Variants in LRRIQ1 observed in about 807,000 individuals in gnomAD.
LRRIQ1 encodes leucine rich repeats and IQ motif containing 1.
Under a neutral mutation model 211.9 loss-of-function variants are expected in LRRIQ1, and 210 were observed. The ratio of observed to expected loss-of-function variants is 0.99; its 90% confidence interval spans 0.89 to 1.11. LRRIQ1 has a LOEUF of 1.11. Among genes scored for constraint, LRRIQ1 ranks in the 50% most tolerant of loss-of-function variants. The probability of loss-of-function intolerance (pLI) is 0.00; values close to 1 mark genes in which losing one functional copy is unlikely to be tolerated. For synonymous variants in LRRIQ1, 699 were observed against 650.1 expected, an observed-to-expected ratio of 1.08 and a Z score of -1.14; for missense variants, 2,136 against 1,939.5, an observed-to-expected ratio of 1.10 and a Z score of -1.90.
chr12:85,106,687 C>T (rs964632425), intron 15 of LRRIQ1, 72 bp downstream of exon 15: 2 of 1,009,764 alleles, frequency 2.0e-6, no homozygotes, highest in African/African-American at 3.3e-5. Flanking sequence ...TAAAAATTGT[C>T]CTGTGAATAA....
chr12:85,174,935 A>T (rs1364539339), intron 24 of LRRIQ1, among the ~76,000 whole-genome samples: 1 of 152,076 alleles, frequency 6.6e-6, no homozygotes, highest in Non-Finnish European at 1.5e-5. Context: ...CGAACCTCAA[A>T]GTCCTCCAAA....
intron 24 of LRRIQ1, among the ~76,000 whole-genome samples, chr12:85,216,589 G>A (rs1592982809): frequency 6.6e-6 from 1 of 151,370 alleles, no homozygotes; most frequent in East Asian, 1.9e-4. Context: ...TTGTGTATGT[G>A]TTATATTTCA....
In LRRIQ1 at chr12:85,191,768, G is replaced by A. The variant is rs150037279; in HGVS notation, c.4822+31054G>A. On this transcript the variant is annotated intron_variant, in intron 24 of 26. Coordinates refer to ENST00000393217, the MANE Select transcript of LRRIQ1 (RefSeq NM_001079910.2). ...TACCATTTTCATTTTCACCAGCAAT[G>A]AATGACAGTCCTGTCATTCTCATTG... 4.1e-3 allele frequency among the ~76,000 whole-genome samples: 619 copies of A among 152,010 alleles called. 2 individuals are homozygous for A. Among genetic ancestry groups the A allele is most frequent in the African/African-American group, 0.014 (588 of 41,490 alleles).
downstream of LRRIQ1, among the ~76,000 whole-genome samples, chr12:85,248,763 G>C (rs929545873): frequency 7.9e-5 from 12 of 151,778 alleles, no homozygotes; most frequent in African/African-American, 2.7e-4. Flanking sequence ...CGTGATTTGT[G>C]CCTAGAATGA....
chr12:85,177,704 A>G (rs1891777701), intron 24 of LRRIQ1, among the ~76,000 whole-genome samples: 1 of 152,136 alleles, frequency 6.6e-6, no homozygotes, highest in Admixed American at 6.6e-5. Flanking sequence ...TATTCCAATG[A>G]TTACAGCCAC....
chr12:85,190,241 CATTAT>C (rs1892436383), intron 24 of LRRIQ1, among the ~76,000 whole-genome samples: 1 of 142,888 alleles, frequency 7.0e-6, no homozygotes, highest in South Asian at 2.2e-4. Context: ...TATTAATATA[CATTAT>C]ATTATATATT....
At chr12:85,209,600 G>C (rs1893736633) in intron 24 of LRRIQ1, among the ~76,000 whole-genome samples, 1 of 152,106 alleles carries the variant, frequency 6.6e-6, no homozygotes, top group South Asian at 2.1e-4. Flanking sequence ...AATATCTAAA[G>C]TTGATTTTTC....
chr12:85,066,610 A>T, intron 9 of LRRIQ1, 138 bp from the exon 10 acceptor site: 1 of 474,582 alleles, frequency 2.1e-6, no homozygotes, highest in South Asian at 5.1e-5. Flanking sequence ...AACAGTTTGC[A>T]GGGTTATCTT....
chr12:85,145,004 C>T (rs952424848), intron 19 of LRRIQ1, among the ~76,000 whole-genome samples: 6 of 150,936 alleles, frequency 4.0e-5, no homozygotes, highest in South Asian at 2.1e-4. Flanking sequence ...ACTTACCTGA[C>T]GAGGATTTCC....
chr12:85,193,630 T>C (rs1436569730), intron 24 of LRRIQ1, among the ~76,000 whole-genome samples: 2 of 151,040 alleles, frequency 1.3e-5, no homozygotes, highest in African/African-American at 4.9e-5. Context: ...GCTGAGAGAT[T>C]TTGTCACCAC....
At chr12:85,118,091 A>G (rs1887706209) in intron 15 of LRRIQ1, among the ~76,000 whole-genome samples, 1 of 152,128 alleles carries the variant, frequency 6.6e-6, no homozygotes, top group Non-Finnish European at 1.5e-5. Context: ...ATTATCTCCT[A>G]ACCCCTCTGA....
chr12:85,124,700 A>G (rs1888245550), intron 17 of LRRIQ1, 181 bp downstream of exon 17: 1 of 557,762 alleles, frequency 1.8e-6, no homozygotes, highest in Non-Finnish European at 3.2e-6. Flanking sequence ...ATCATTAATT[A>G]TAGTGCATAT....
intron 24 of LRRIQ1, among the ~76,000 whole-genome samples, chr12:85,217,600 A>G (rs1486446702): frequency 7.3e-6 from 1 of 137,026 alleles, no homozygotes; most frequent in Non-Finnish European, 1.5e-5. Context: ...ATATGTATAT[A>G]TGTATATGTG....
intron 19 of LRRIQ1, among the ~76,000 whole-genome samples, chr12:85,149,164 G>T (rs1055345144): frequency 6.6e-6 from 1 of 151,670 alleles, no homozygotes; most frequent in African/African-American, 2.4e-5. Flanking sequence ...ATTAGATCCC[G>T]TTTGTGAATT....
intron 24 of LRRIQ1, among the ~76,000 whole-genome samples, chr12:85,212,169 C>A: frequency 6.6e-6 from 1 of 152,042 alleles, no homozygotes; most frequent in East Asian, 1.9e-4. Flanking sequence ...CCTGTAGTCC[C>A]AGCTGCTTGG....
intron 11 of LRRIQ1, among the ~76,000 whole-genome samples, chr12:85,078,793 A>G (rs1185627649): frequency 6.6e-6 from 1 of 152,126 alleles, no homozygotes; most frequent in Non-Finnish European, 1.5e-5. Flanking sequence ...CAAATAACTT[A>G]TTTGTATGGG....
intron 19 of LRRIQ1, among the ~76,000 whole-genome samples, chr12:85,138,456 G>C (rs1287336100): frequency 6.6e-6 from 1 of 151,450 alleles, no homozygotes; most frequent in African/African-American, 2.4e-5. Context: ...CTCTGAATTT[G>C]TGTTTGTTAC....
intron 24 of LRRIQ1, among the ~76,000 whole-genome samples, chr12:85,170,995 G>C (rs1398181922): frequency 1.3e-5 from 2 of 151,942 alleles, no homozygotes; most frequent in African/African-American, 4.8e-5. Context: ...AAAATATCTG[G>C]CACACAGTGA....
downstream of LRRIQ1, among the ~76,000 whole-genome samples, chr12:85,268,660 T>C (rs76490432): frequency 0.026 from 3,962 of 149,528 alleles, 83 homozygotes; most frequent in Non-Finnish European, 0.043. Context: ...TTAACATCTG[T>C]AACTATGTAG....
Sources: gnomAD v4.1 joint callset for allele counts (sites outside exome capture counted in the v4.1 genomes callset) on GRCh38, gnomAD v4.1.1 for gene constraint, MANE v1.5 for transcripts, NCBI Gene and HGNC (gene_info 2026-07-23, HGNC 2026-07-21) for gene names.